The following TCF4 variants were observed in gnomAD, a reference collection of about 807,000 sequenced individuals.
TCF4 encodes the protein SL3-3 enhancer factor 2.
TCF4 carries 3 observed loss-of-function variants against 82.1 expected under a neutral mutation model. The observed-to-expected ratio is 0.04, with a 90% CI of 0.02 to 0.09. The LOEUF (loss-of-function observed/expected upper bound fraction) is 0.09. TCF4 is among the 10% of genes least tolerant of loss of function. TCF4 has a pLI of 1.00. For synonymous variants in TCF4, 276 were observed against 309.6 expected, an observed-to-expected ratio of 0.89 and a Z score of 1.14; for missense variants, 518 against 852.7, an observed-to-expected ratio of 0.61 and a Z score of 4.89.
At chr18:55,500,122 C>T (rs2096681281) in intron 3 of TCF4, among the ~76,000 whole-genome samples, 1 of 152,070 alleles carries the variant, frequency 6.6e-6, no homozygotes, top group Admixed American at 6.5e-5. Context: ...GCTGAGGCTA[C>T]AGTGAGCCAA....
At chr18:55,438,524 C>T (rs1353312051) in intron 5 of TCF4, among the ~76,000 whole-genome samples, 2 of 152,184 alleles carry the variant, frequency 1.3e-5, no homozygotes, top group Non-Finnish European at 2.9e-5. Context: ...GACCCTTCTC[C>T]ATTGGATGAA....
At chr18:55,585,137 T>A in intron 3 of TCF4, 143 bp downstream of exon 3, 1 of 755,564 alleles carries the variant, frequency 1.3e-6, no homozygotes, top group South Asian at 1.5e-5. Flanking sequence ...GTTATACCAC[T>A]GATGGGTAAT....
intron 3 of TCF4, among the ~76,000 whole-genome samples, chr18:55,487,656 A>C (rs72930763): frequency 0.044 from 6,655 of 152,284 alleles, 157 homozygotes; most frequent in Non-Finnish European, 0.052. Context: ...CCAGCAAGAG[A>C]TTCCATTGTA....
At chr18:55,297,170 T>A (rs28458211) in intron 8 of TCF4, among the ~76,000 whole-genome samples, 1,621 of 97,912 alleles carry the variant, frequency 0.017, 12 homozygotes, top group African/African-American at 0.019. Context: ...TTTTTTTTTT[T>A]ATCCCTTAGG....
intron 3 of TCF4, among the ~76,000 whole-genome samples, chr18:55,568,769 G>A (rs2097432450): frequency 6.6e-6 from 1 of 152,036 alleles, no homozygotes; most frequent in South Asian, 2.1e-4. Flanking sequence ...GACAAAACTA[G>A]ACTTAGAAAG....
intron 8 of TCF4, among the ~76,000 whole-genome samples, chr18:55,338,860 T>C (rs934929151): frequency 2.6e-5 from 4 of 152,220 alleles, no homozygotes; most frequent in Non-Finnish European, 5.9e-5. Flanking sequence ...AGGACTGCAA[T>C]TGCTGGGCAT....
At chr18:55,599,638 T>G (rs138093202) in intron 2 of TCF4, among the ~76,000 whole-genome samples, 89 of 152,274 alleles carry the variant, frequency 5.8e-4, no homozygotes, top group African/African-American at 1.6e-3. Flanking sequence ...GGAGAATCAC[T>G]TGAACCCAGG....
At chr18:55,570,500 C>T (rs531221833) in intron 3 of TCF4, among the ~76,000 whole-genome samples, 4 of 151,868 alleles carry the variant, frequency 2.6e-5, no homozygotes, top group Admixed American at 1.3e-4. Context: ...AAAATGGGGG[C>T]GGGGTAGATT....
At chr18:55,521,540 C>A (rs982434679) in intron 3 of TCF4, among the ~76,000 whole-genome samples, 2 of 152,184 alleles carry the variant, frequency 1.3e-5, no homozygotes, top group African/African-American at 4.8e-5. Flanking sequence ...AAGAAAATCA[C>A]ACCAGAACTG....
chr18:55,488,692 A>G (rs2096543938), intron 3 of TCF4, among the ~76,000 whole-genome samples: 1 of 152,212 alleles, frequency 6.6e-6, no homozygotes, highest in South Asian at 2.1e-4. Flanking sequence ...CTGTTCAAAC[A>G]GCCATCACCA....
intron 3 of TCF4, among the ~76,000 whole-genome samples, chr18:55,577,062 G>A (rs1360758781): frequency 7.0e-6 from 1 of 143,068 alleles, no homozygotes; most frequent in Non-Finnish European, 1.5e-5. Flanking sequence ...AGAATAGCAG[G>A]TACTAAATAT....
chr18:55,540,263 A>G (rs1475488184), intron 3 of TCF4, among the ~76,000 whole-genome samples: 1 of 152,138 alleles, frequency 6.6e-6, no homozygotes, highest in African/African-American at 2.4e-5. Flanking sequence ...AGATGCAGAC[A>G]TATCACAGGA....
intron 5 of TCF4, among the ~76,000 whole-genome samples, chr18:55,405,524 A>AGCTATC (rs1384908991): frequency 2.6e-5 from 4 of 152,308 alleles, no homozygotes; most frequent in African/African-American, 9.6e-5. Context: ...GAATTCCTGA[A>AGCTATC]GCTATCCCCT....
chr18:55,354,009 C>T (rs1297467075), intron 6 of TCF4, among the ~76,000 whole-genome samples: 1 of 152,114 alleles, frequency 6.6e-6, no homozygotes, highest in Non-Finnish European at 1.5e-5. Flanking sequence ...AGTAGGCTGC[C>T]CGAATCTGCC....
At chr18:55,471,938 AG>A (rs2096193095) in intron 3 of TCF4, among the ~76,000 whole-genome samples, 1 of 152,214 alleles carries the variant, frequency 6.6e-6, no homozygotes, top group Non-Finnish European at 1.5e-5. Context: ...TCATATGATA[AG>A]AAAAGTTAAA....
At position 55,224,516 on chromosome 18, in the gene TCF4, A is replaced by C. The variant is rs1267665168; in HGVS notation, c.*3519T>G. 2.0e-5 allele frequency: 3 copies of C among 152,598 alleles called. No homozygotes were observed. The highest frequency in any genetic ancestry group is 4.4e-5 in the Non-Finnish European group (3 of 68,032). The allele number at this position is 152,598 out of a possible 1,614,324, so 9.5% of individuals were successfully genotyped here. A position where few individuals can be genotyped will look rare whatever the true frequency, so the allele number is the denominator to read the frequency against. ...ATTGATTCATTCCTGACTCAAGTTC[A>C]CTTTTGGACACAGATCATATTCTGC... On this transcript the variant is annotated 3_prime_UTR_variant, in exon 20 of 20. Transcript: ENST00000354452.
chr18:55,510,553 A>G, intron 3 of TCF4: 8 of 1,457,118 alleles, frequency 5.5e-6, no homozygotes, highest in Non-Finnish European at 7.3e-6. Context: ...GTAAGCTTTT[A>G]AAATACAAGT....
At chr18:55,254,359 C>A (rs2056188832) in intron 15 of TCF4, 138 bp downstream of exon 15, 1 of 792,852 alleles carries the variant, frequency 1.3e-6, no homozygotes, top group Non-Finnish European at 2.1e-6. Context: ...GAATTGTACA[C>A]CTGAAATGGG....
At chr18:55,608,152 A>C (rs949673157) in intron 2 of TCF4, among the ~76,000 whole-genome samples, 1 of 152,222 alleles carries the variant, frequency 6.6e-6, no homozygotes, top group Non-Finnish European at 1.5e-5. Context: ...CAAGCACTTT[A>C]GGAAAATTCT....
Sources: gnomAD v4.1 joint callset for allele counts (sites outside exome capture counted in the v4.1 genomes callset) on GRCh38, gnomAD v4.1.1 for gene constraint, MANE v1.5 for transcripts, NCBI Gene and HGNC (gene_info 2026-07-23, HGNC 2026-07-21) for gene names.